Variants in LRRTM4 observed in about 807,000 individuals in gnomAD.
The protein encoded by LRRTM4 is leucine rich repeat transmembrane neuronal 4.
LRRTM4 carries 25 observed loss-of-function variants against 47.6 expected under a neutral mutation model. The observed-to-expected ratio is 0.53, with a 90% CI of 0.38 to 0.73. The LOEUF (loss-of-function observed/expected upper bound fraction) is 0.73. LRRTM4 is among the 30% of genes least tolerant of loss of function. The probability of loss-of-function intolerance (pLI) is 0.00; values close to 1 mark genes in which losing one functional copy is unlikely to be tolerated. For missense variants in LRRTM4, 638 were observed against 713.4 expected (o/e 0.89, Z 1.20); for synonymous variants, 311 against 269.5 (o/e 1.15, Z -1.51).
intron 3 of LRRTM4, among the ~76,000 whole-genome samples, chr2:77,333,870 C>T (rs1289981541): frequency 6.6e-6 from 1 of 152,146 alleles, no homozygotes; most frequent in African/African-American, 2.4e-5. Context: ...ACACTCAGCA[C>T]CAGCCCATGA....
chr2:76,855,155 C>T (rs537662048), intron 3 of LRRTM4, among the ~76,000 whole-genome samples: 7 of 152,108 alleles, frequency 4.6e-5, no homozygotes, highest in Non-Finnish European at 8.8e-5. Context: ...AGCCTGCTTG[C>T]GGAGACATCA....
At chr2:77,347,949 G>C (rs1339101868) in intron 3 of LRRTM4, among the ~76,000 whole-genome samples, 2 of 150,314 alleles carry the variant, frequency 1.3e-5, no homozygotes, top group Non-Finnish European at 3.0e-5. Context: ...TTACATAATT[G>C]GGTGCTCAAT....
chr2:76,801,202 G>C (rs559189764), intron 3 of LRRTM4, among the ~76,000 whole-genome samples: 1 of 152,184 alleles, frequency 6.6e-6, no homozygotes, highest in Admixed American at 6.5e-5. Flanking sequence ...CTGCTATAAA[G>C]ACACATGCAC....
intron 3 of LRRTM4, among the ~76,000 whole-genome samples, chr2:77,323,818 T>G (rs1374726537): frequency 6.6e-6 from 1 of 152,112 alleles, no homozygotes; most frequent in African/African-American, 2.4e-5. Context: ...TCTAGCTGTG[T>G]GGTCTTGGGC....
At chr2:77,142,108 A>G (rs192918687) in intron 3 of LRRTM4, among the ~76,000 whole-genome samples, 182 of 152,314 alleles carry the variant, frequency 1.2e-3, no homozygotes, top group African/African-American at 3.9e-3. Context: ...TAACAGCTGT[A>G]GGTTTTATAG....
rs113714386 is a variant in LRRTM4, at chr2:77,258,777, C to A, written c.1551+259541G>T. ...TATTTTTAAAAAAAAAATACAAGTT[C>A]CGCAACTCAAATAGAAATCTCAGTG... On this transcript the variant is annotated intron_variant, in intron 3 of 3. Coordinates refer to ENST00000409884, the MANE Select transcript of LRRTM4 (RefSeq NM_001134745.3). Among the ~76,000 whole-genome samples the A allele has an allele frequency of 5.5e-3, 837 of 151,776 alleles. 5 individuals are homozygous for A. The highest frequency in any genetic ancestry group is 0.019 in the African/African-American group (791 of 41,420).
intron 3 of LRRTM4, among the ~76,000 whole-genome samples, chr2:76,807,539 G>A (rs116214630): frequency 0.041 from 5,857 of 144,482 alleles, 434 homozygotes; most frequent in African/African-American, 0.13. Context: ...TTGGGGATTT[G>A]TGTTTGCCAT....
intron 3 of LRRTM4, among the ~76,000 whole-genome samples, chr2:77,161,920 C>T (rs907559995): frequency 6.6e-6 from 1 of 152,084 alleles, no homozygotes; most frequent in African/African-American, 2.4e-5. Context: ...TCCAAGATGG[C>T]TGAATAGGAA....
chr2:77,134,301 T>C (rs1029518139), intron 3 of LRRTM4, among the ~76,000 whole-genome samples: 1 of 152,154 alleles, frequency 6.6e-6, no homozygotes, highest in Non-Finnish European at 1.5e-5. Context: ...ACAAGGATAT[T>C]CTAAAAGTAG....
At chr2:76,879,638 C>T (rs1431417961) in intron 3 of LRRTM4, among the ~76,000 whole-genome samples, 1 of 152,114 alleles carries the variant, frequency 6.6e-6, no homozygotes, top group Admixed American at 6.5e-5. Flanking sequence ...CTTTCTTCAG[C>T]CCATGGATCA....
chr2:76,878,340 T>A (rs984501678), intron 3 of LRRTM4, among the ~76,000 whole-genome samples: 1 of 152,102 alleles, frequency 6.6e-6, no homozygotes, highest in African/African-American at 2.4e-5. Context: ...ATATTGAAAT[T>A]AGACGAATTA....
At chr2:76,756,208 A>G (rs1386423286) in intron 3 of LRRTM4, among the ~76,000 whole-genome samples, 2 of 152,138 alleles carry the variant, frequency 1.3e-5, no homozygotes, top group Admixed American at 6.5e-5. Flanking sequence ...CTTTTTATGA[A>G]CTTCAAGTTT....
intron 3 of LRRTM4, among the ~76,000 whole-genome samples, chr2:77,033,505 A>T (rs1678732564): frequency 6.6e-6 from 1 of 151,924 alleles, no homozygotes; most frequent in Non-Finnish European, 1.5e-5. Context: ...AAATTAAATC[A>T]CCATTCCCTG....
intron 3 of LRRTM4, among the ~76,000 whole-genome samples, chr2:76,755,570 C>G (rs1334011697): frequency 6.6e-6 from 1 of 152,048 alleles, no homozygotes; most frequent in Non-Finnish European, 1.5e-5. Flanking sequence ...TTCGATGCAG[C>G]TATAGAAAAA....
intron 3 of LRRTM4, among the ~76,000 whole-genome samples, chr2:77,260,860 A>C (rs1476681447): frequency 6.6e-6 from 1 of 152,156 alleles, no homozygotes; most frequent in Non-Finnish European, 1.5e-5. Context: ...ATGACGCTAG[A>C]ATTGGCGACA....
chr2:77,369,967 A>G (rs957658349), intron 3 of LRRTM4, among the ~76,000 whole-genome samples: 6 of 151,836 alleles, frequency 4.0e-5, no homozygotes, highest in Non-Finnish European at 5.9e-5. Context: ...GTTATGATGC[A>G]TGACTCTCTC....
chr2:77,239,867 G>A (rs900353791), intron 3 of LRRTM4, among the ~76,000 whole-genome samples: 5 of 151,648 alleles, frequency 3.3e-5, no homozygotes, highest in African/African-American at 9.7e-5. Context: ...TAGAAAATCA[G>A]TATAATCATG....
At chr2:77,246,791 C>G (rs1342900327) in intron 3 of LRRTM4, among the ~76,000 whole-genome samples, 1 of 151,822 alleles carries the variant, frequency 6.6e-6, no homozygotes, top group African/African-American at 2.4e-5. Flanking sequence ...CCTATATATG[C>G]ATATATGCCT....
At chr2:76,990,613 A>G (rs4296455) in intron 3 of LRRTM4, among the ~76,000 whole-genome samples, 2,004 of 151,976 alleles carry the variant, frequency 0.013, 28 homozygotes, top group African/African-American at 0.038. Flanking sequence ...TCCTTAGTAC[A>G]TATGCACTCA....
Sources: gnomAD v4.1 joint callset for allele counts (sites outside exome capture counted in the v4.1 genomes callset) on GRCh38, gnomAD v4.1.1 for gene constraint, MANE v1.5 for transcripts, NCBI Gene and HGNC (gene_info 2026-07-23, HGNC 2026-07-21) for gene names.